BBS9: variants seen among roughly 807,000 people sequenced by gnomAD.
The protein encoded by BBS9 is protein PTHB1.
A neutral mutation model predicts 117.7 loss-of-function variants in BBS9; 89 were observed. The observed-to-expected ratio is 0.76, with a 90% confidence interval of 0.64 to 0.90. The LOEUF (loss-of-function observed/expected upper bound fraction) is 0.90. BBS9 is among the 40% of genes least tolerant of loss of function. BBS9 has a pLI of 0.00. For missense variants in BBS9, 982 were observed against 1,042.2 expected (o/e 0.94, Z 0.80); for synonymous variants, 379 against 370.9 (o/e 1.02, Z -0.25).
intron 21 of BBS9, chr7:33,534,504 G>A (rs886805990): frequency 1.5e-5 from 6 of 404,042 alleles, no homozygotes; most frequent in African/African-American, 4.1e-5. Flanking sequence ...ATGTGATCTC[G>A]CGATACAATA....
chr7:33,231,482 A>G (rs1283609389), intron 5 of BBS9, among the ~76,000 whole-genome samples: 2 of 106,092 alleles, frequency 1.9e-5, no homozygotes, highest in Non-Finnish European at 3.9e-5. Context: ...ATGGCTTTGT[A>G]ATATAATTTT....
intron 5 of BBS9, among the ~76,000 whole-genome samples, chr7:33,245,366 A>G (rs1228573019): frequency 6.6e-6 from 1 of 152,082 alleles, no homozygotes; most frequent in African/African-American, 2.4e-5. Context: ...TTAGGCATAC[A>G]ATGAGTACTT....
intron 18 of BBS9, among the ~76,000 whole-genome samples, chr7:33,386,783 C>T (rs556252709): frequency 6.6e-6 from 1 of 152,152 alleles, no homozygotes; most frequent in South Asian, 2.1e-4. Context: ...CGTGAGCCAC[C>T]GTGCCCGGCC....
At position 33,565,825 on chromosome 7, in the gene BBS9, ATACCGCTATATATACTGCT is replaced by A. The variant is rs1438036471; in HGVS notation, c.2521+31652_2521+31670del. On this transcript the variant is annotated intron_variant, in intron 21 of 22. Transcript: ENST00000242067. ...TATATATATATATATATATATATAT[ATACCGCTATATATACTGCT>A]TATATATATATATATATATATATAT... 1.2e-3 allele frequency among the ~76,000 whole-genome samples: 59 copies of A among 48,912 alleles called. No individual in the cohort carries two copies. The African/African-American group carries it at 0.016, about 13-fold the overall frequency. 32.1% of individuals were successfully genotyped at this position (48,912 alleles called of 152,430 possible). A position where few individuals can be genotyped will look rare whatever the true frequency, so the allele number is the denominator to read the frequency against.
intron 5 of BBS9, among the ~76,000 whole-genome samples, chr7:33,201,756 A>G (rs75856767): frequency 0.026 from 4,011 of 152,120 alleles, 191 homozygotes; most frequent in African/African-American, 0.092. Flanking sequence ...TAGAGTCTTT[A>G]ATTCACCACC....
At chr7:33,265,276 A>G (rs1395406451) in intron 7 of BBS9, among the ~76,000 whole-genome samples, 7 of 152,166 alleles carry the variant, frequency 4.6e-5, no homozygotes, top group Non-Finnish European at 7.4e-5. Context: ...AGTTCAGGAG[A>G]TGGTAGAACA....
chr7:33,491,741 A>G (rs1843926471), intron 19 of BBS9, among the ~76,000 whole-genome samples: 1 of 152,204 alleles, frequency 6.6e-6, no homozygotes, highest in African/African-American at 2.4e-5. Flanking sequence ...GGAGATTATG[A>G]CACATACTTT....
chr7:33,289,178 C>T lies in BBS9; in HGVS notation c.1016+15222C>T, dbSNP rs933622796. On this transcript the variant is annotated intron_variant, in intron 9 of 22. Transcript: ENST00000242067. ...TGTTATTTAGAGTTGTTAGGGTAAA[C>T]ACCTGGAAAAACCAGAAAGTGGAAG... 5.3e-5 allele frequency among the ~76,000 whole-genome samples: 8 copies of T among 152,114 alleles called. No homozygotes were observed. The South Asian group carries it at 1.7e-3, about 31-fold the overall frequency.
chr7:33,599,683 A>C (rs1863490693), intron 21 of BBS9, among the ~76,000 whole-genome samples: 1 of 152,208 alleles, frequency 6.6e-6, no homozygotes, highest in African/African-American at 2.4e-5. Flanking sequence ...AAAATTCATT[A>C]TATATGCTTC....
At chr7:33,367,571 A>G (rs904021244) in intron 16 of BBS9, among the ~76,000 whole-genome samples, 196 bp from the exon 17 acceptor site, 27 of 152,224 alleles carry the variant, frequency 1.8e-4, no homozygotes, top group African/African-American at 6.5e-4. Context: ...ATGACTCCAG[A>G]GTTTTAGTGT....
chr7:33,383,544 T>A (rs1825460837), intron 17 of BBS9, 122 bp from the exon 18 acceptor site: 5 of 877,238 alleles, frequency 5.7e-6, no homozygotes, highest in Non-Finnish European at 9.0e-6. Flanking sequence ...GCCAGTGTAA[T>A]CATATCTTTG....
chr7:33,512,955 T>G (rs1482863071), intron 20 of BBS9, among the ~76,000 whole-genome samples: 1 of 152,108 alleles, frequency 6.6e-6, no homozygotes, highest in East Asian at 1.9e-4. Context: ...GGTGTGCCCC[T>G]CACACCTTTG....
intron 9 of BBS9, among the ~76,000 whole-genome samples, chr7:33,281,846 G>A (rs1159119708): frequency 6.6e-6 from 1 of 151,532 alleles, no homozygotes; most frequent in East Asian, 1.9e-4. Flanking sequence ...ACAGGGTCTT[G>A]CTTTGTTGAC....
At chr7:33,201,803 T>C (rs1049138428) in intron 5 of BBS9, among the ~76,000 whole-genome samples, 1 of 152,164 alleles carries the variant, frequency 6.6e-6, no homozygotes, top group African/African-American at 2.4e-5. Context: ...TTTGATGTAA[T>C]GTTTCTAGAA....
At chr7:33,320,163 C>T (rs1477044298) in intron 9 of BBS9, among the ~76,000 whole-genome samples, 1 of 152,050 alleles carries the variant, frequency 6.6e-6, no homozygotes, top group Non-Finnish European at 1.5e-5. Flanking sequence ...ACTTTAGTCA[C>T]CCTGTTGTGC....
intron 19 of BBS9, among the ~76,000 whole-genome samples, chr7:33,492,476 A>T (rs930394273): frequency 5.9e-5 from 9 of 152,174 alleles, no homozygotes; most frequent in Admixed American, 2.0e-4. Context: ...GATGAGGACG[A>T]TCTCTGTTTT....
At chr7:33,319,467 C>T (rs1242882725) in intron 9 of BBS9, among the ~76,000 whole-genome samples, 4 of 152,178 alleles carry the variant, frequency 2.6e-5, no homozygotes, top group Admixed American at 2.6e-4. Flanking sequence ...TAAGGAATCT[C>T]TGCACTGGTT....
intron 20 of BBS9, among the ~76,000 whole-genome samples, chr7:33,532,098 T>G (rs1850667423): frequency 6.6e-6 from 1 of 152,240 alleles, no homozygotes. Context: ...ATGATGCATC[T>G]GGGTGTGTGA....
At chr7:33,374,466 A>G in intron 17 of BBS9, among the ~76,000 whole-genome samples, 1 of 152,314 alleles carries the variant, frequency 6.6e-6, no homozygotes, top group East Asian at 1.9e-4. Flanking sequence ...GTTAATATTT[A>G]TTTTAAAATT....
Sources: allele counts gnomAD v4.1 joint callset (sites outside exome capture counted in the v4.1 genomes callset), GRCh38; gene constraint gnomAD v4.1.1; transcripts MANE v1.5; gene names NCBI Gene and HGNC (gene_info 2026-07-23, HGNC 2026-07-21).